Variants in NUP210 observed in about 807,000 individuals in gnomAD.
The protein encoded by NUP210 is nucleoporin 210.
Under a neutral mutation model 196.0 loss-of-function variants are expected in NUP210, and 151 were observed. The ratio of observed to expected loss-of-function variants is 0.77; its 90% CI spans 0.67 to 0.88. The LOEUF (loss-of-function observed/expected upper bound fraction) is 0.88, where lower values mean the gene tolerates loss of function less well. Ranked by LOEUF, NUP210 falls within the 40% of genes least tolerant of loss-of-function variation. NUP210 has a pLI of 0.00. For missense variants in NUP210, 2,314 were observed against 2,493.7 expected (o/e 0.93, Z 1.53); for synonymous variants, 1,070 against 1,052.7 (o/e 1.02, Z -0.32).
chr3:13,357,783 G>A (rs568124206), intron 16 of NUP210, among the ~76,000 whole-genome samples: 6 of 152,104 alleles, frequency 3.9e-5, no homozygotes, highest in East Asian at 3.9e-4. Flanking sequence ...ACAACCCCAC[G>A]TCACCCACAT....
chr3:13,321,809 G>A lies in NUP210; in HGVS notation c.4942C>T (p.His1648Tyr). The A allele has an allele frequency of 6.2e-7, 1 of 1,608,342 alleles. No individual in the cohort carries two copies. The highest frequency in any genetic ancestry group is 8.5e-7 in the Non-Finnish European group (1 of 1,179,974). ...LGQYFCSITMHRLTDKQRKHL... is the reference protein window; with the variant it reads ...LGQYFCSITMYRLTDKQRKHL... ...TTCCGCTGCTTGTCCGTCAGCCTGT[G>A]CATTGTGATTGAGCAGAAGTACTGG... Residue 1648 changes from histidine to tyrosine, a missense_variant, in exon 36 of 40, where the codon CAC becomes TAC. His to Tyr is a moderately conservative substitution (Grantham distance 83). Transcript: ENST00000254508.
Position 13,350,961 on chromosome 3 carries a change from G to A in NUP210, c.2835+918C>T, listed in dbSNP as rs1697950910. Among the ~76,000 whole-genome samples the A allele has an allele frequency of 6.6e-6, 1 of 152,124 alleles. No individual in the cohort carries two copies. The highest frequency in any genetic ancestry group is 1.9e-4 in the East Asian group (1 of 5,170). On this transcript the variant is annotated intron_variant, in intron 20 of 39. Coordinates refer to ENST00000254508, the MANE Select transcript of NUP210 (RefSeq NM_024923.4). This position sits in a 1 kb window ranked among gnomAD's most constrained non-coding sequence, Gnocchi z 4.1. ...GATCAGCCTGCCTCGGCCTCCCAAA[G>A]TGCTGGGATTACAGGCATGAGCCAC...
At chr3:13,338,898 C>T (rs751899321) in intron 25 of NUP210, among the ~76,000 whole-genome samples, 2 of 152,132 alleles carry the variant, frequency 1.3e-5, no homozygotes, top group Non-Finnish European at 2.9e-5. Context: ...TACGCAGGGC[C>T]CTGTGCCCCT....
At chr3:13,353,205 G>T (rs1266038360) in intron 18 of NUP210, among the ~76,000 whole-genome samples, 1 of 152,086 alleles carries the variant, frequency 6.6e-6, no homozygotes, top group Non-Finnish European at 1.5e-5. Flanking sequence ...TGGCATTTAG[G>T]GACCATGGGA....
intron 27 of NUP210, 44 bp from the exon 28 acceptor site, chr3:13,335,656 C>T (rs1409295630): frequency 6.9e-6 from 11 of 1,599,554 alleles, no homozygotes; most frequent in African/African-American, 1.3e-5. Flanking sequence ...GGCCCAGGCC[C>T]CTGTGTCCTC....
Position 13,322,217 on chromosome 3 carries a change from C to CCA in NUP210, c.4889_4890dup (p.Glu1631TrpfsTer21). The CCA allele has an allele frequency of 1.2e-6, 2 of 1,614,234 alleles. No homozygotes were observed. Among genetic ancestry groups the CCA allele is most frequent in the South Asian group, 2.2e-5 (2 of 91,078 alleles). On this transcript the variant is annotated frameshift_variant, in exon 35 of 40. Transcript: ENST00000254508. LOFTEE classifies it high-confidence loss of function. ...CCGAGAGCAGTGTCAAACTGTGGCT[C>CCA]CACGGTGAACACATCTTGAGATGGG...
At chr3:13,352,801 G>GT (rs1332854354) in intron 18 of NUP210, among the ~76,000 whole-genome samples, 4 of 152,148 alleles carry the variant, frequency 2.6e-5, no homozygotes, top group Non-Finnish European at 4.4e-5. Context: ...AAGAGCAAGA[G>GT]TGAGTCAATG....
intron 29 of NUP210, 54 bp downstream of exon 29, chr3:13,332,239 C>A: frequency 1.4e-6 from 2 of 1,417,800 alleles, no homozygotes; most frequent in South Asian, 2.3e-5. Context: ...CATGAGGTGT[C>A]GGATGCAAGC....
intron 6 of NUP210, among the ~76,000 whole-genome samples, chr3:13,381,574 C>T (rs1204762301): frequency 2.0e-5 from 3 of 151,982 alleles, no homozygotes; most frequent in Non-Finnish European, 2.9e-5. Context: ...CCATACCTGG[C>T]CTTAGATACC....
chr3:13,364,496 G>A (rs1698465876), intron 14 of NUP210, among the ~76,000 whole-genome samples: 1 of 152,204 alleles, frequency 6.6e-6, no homozygotes, highest in African/African-American at 2.4e-5. Context: ...TCTGCTCTGT[G>A]CCAGGCACTG....
chr3:13,332,464 C>G, intron 28 of NUP210, 80 bp from the exon 29 acceptor site: 1 of 1,128,382 alleles, frequency 8.9e-7, no homozygotes, highest in South Asian at 1.2e-5. Flanking sequence ...CTCCTAGCAG[C>G]AAGAGCCGAG....
At position 13,379,484 on chromosome 3, in the gene NUP210, C is replaced by T; in HGVS notation, c.976+79G>A. 6.4e-7 allele frequency: 1 copy of T among 1,570,482 alleles called. No individual in the cohort carries two copies. The highest frequency in any genetic ancestry group is 1.1e-5 in the South Asian group (1 of 89,268). Reference sequence around the variant, plus strand: ...AACGGCTATTTTTAGCCCTGCCGAGCTTTCAGGGAAAAAAAGACTTGACTT... The same window carrying T: ...AACGGCTATTTTTAGCCCTGCCGAGTTTTCAGGGAAAAAAAGACTTGACTT... On this transcript the variant is annotated intron_variant, in intron 7 of 39. Transcript: ENST00000254508. The surrounding 1 kb of genome is among the most constrained non-coding windows in gnomAD (Gnocchi z 4.2).
intron 33 of NUP210, among the ~76,000 whole-genome samples, chr3:13,325,108 G>A (rs1696694222): frequency 2.0e-5 from 3 of 152,110 alleles, no homozygotes; most frequent in Admixed American, 2.0e-4. Context: ...GCCAGACCAT[G>A]CTTCTCCCAC....
chr3:13,347,622 G>C lies in NUP210; in HGVS notation c.2835+4257C>G, dbSNP rs1263783629. Among the ~76,000 whole-genome samples, 2 of 152,216 alleles carry C rather than the reference G, an allele frequency of 1.3e-5. No homozygotes were observed. Among genetic ancestry groups the C allele is most frequent in the African/African-American group, 4.8e-5 (2 of 41,522 alleles). On this transcript the variant is annotated intron_variant, in intron 20 of 39. Coordinates refer to ENST00000254508, the MANE Select transcript of NUP210 (RefSeq NM_024923.4). This position sits in a 1 kb window ranked among gnomAD's most constrained non-coding sequence, Gnocchi z 4.7. The stretch of plus-strand genomic sequence containing the variant: ...ACTCCAAAGCCACACATTCCCGCAA[G>C]CCATCCTTCCGTGCTGAATATGTAT...
At chr3:13,320,043 C>T (rs1191196793) in intron 36 of NUP210, 64 bp from the exon 37 acceptor site, 5 of 1,463,520 alleles carry the variant, frequency 3.4e-6, no homozygotes, top group Non-Finnish European at 4.7e-6. Flanking sequence ...TGAGCGGGGC[C>T]TCAGGACCCC....
Position 13,371,852 on chromosome 3 carries a change from C to T in NUP210, c.1768G>A (p.Val590Met), listed in dbSNP as rs775852683. The T allele has an allele frequency of 6.2e-7, 1 of 1,607,470 alleles. No homozygotes were observed. The highest frequency in any genetic ancestry group is 8.5e-7 in the Non-Finnish European group (1 of 1,177,708). ...GGTTTACCTGGGAGTGGCTGGAACACACCCTGGTTCTCCACCTCGACAGCC... is the reference window on the plus strand; with the variant it reads ...GGTTTACCTGGGAGTGGCTGGAACATACCCTGGTTCTCCACCTCGACAGCC... ...DLAVEVENQG[V>M]FQPLPGRLPP... is the part of the protein sequence containing the mutation. Residue 590 changes from valine (V) to methionine (M), a missense_variant, in exon 13 of 40, where the codon GTG becomes ATG. By Grantham distance (21) the Val-to-Met change is conservative. Transcript: ENST00000254508.
In NUP210 at chr3:13,351,965, T is replaced by G; in HGVS notation, c.2749A>C (p.Arg917=). The change falls in exon 20 of 40, where the codon AGG becomes CGG. Residue 917 remains arginine, a synonymous_variant. Coordinates refer to ENST00000254508, the MANE Select transcript of NUP210 (RefSeq NM_024923.4). ...AGGAAGAAGTAACCTGAGCCTTCCC[T>G]GATGCGGAGCTCTGCCTGCAGGAGG... ...HPGIQAELRI[R]EGSGYFFLNT... is the part of the protein sequence containing the mutation. 2 of 1,611,562 alleles carry G rather than the reference T, an allele frequency of 1.2e-6. No homozygotes were observed. Among genetic ancestry groups the G allele is most frequent in the Non-Finnish European group, 1.7e-6 (2 of 1,178,120 alleles).
At chr3:13,418,062 G>T (rs1700404729) in intron 1 of NUP210, among the ~76,000 whole-genome samples, 1 of 152,196 alleles carries the variant, frequency 6.6e-6, no homozygotes, top group Non-Finnish European at 1.5e-5. Flanking sequence ...CCCACATACT[G>T]AGAGGACAGA....
At chr3:13,364,736 G>A (rs1214917308) in intron 14 of NUP210, among the ~76,000 whole-genome samples, 5 of 152,176 alleles carry the variant, frequency 3.3e-5, no homozygotes, top group African/African-American at 1.2e-4. Flanking sequence ...GCCGAGGCAG[G>A]AGAATCGCTT....
Sources: gnomAD v4.1 joint callset for allele counts (sites outside exome capture counted in the v4.1 genomes callset) on GRCh38, gnomAD v4.1.1 for gene constraint, Gnocchi (gnomAD v3.1) non-coding constraint, MANE v1.5 for transcripts, NCBI Gene and HGNC (gene_info 2026-07-23, HGNC 2026-07-21) for gene names.